Variants in C2CD3 observed in about 807,000 individuals in gnomAD.
C2CD3 encodes the protein C2 domain containing 3 centriole elongation regulator, also known as C2 domain-containing protein 3.
A neutral mutation model predicts 234.0 loss-of-function variants in C2CD3; 148 were observed. That is an observed-to-expected ratio of 0.63 (90% confidence interval 0.55 to 0.72). The LOEUF (loss-of-function observed/expected upper bound fraction) is 0.72. Ranked by LOEUF, C2CD3 falls within the 30% of genes least tolerant of loss-of-function variation. The pLI, the probability that C2CD3 is intolerant of heterozygous loss-of-function variation, is 0.00. For missense variants in C2CD3, 2,577 were observed against 2,811.5 expected (o/e 0.92, Z 1.89); for synonymous variants, 1,000 against 1,035.4 (o/e 0.97, Z 0.66).
chr11:74,169,120 A>C (rs2135579016), intron 1 of C2CD3, among the ~76,000 whole-genome samples: 1 of 152,326 alleles, frequency 6.6e-6, no homozygotes, highest in Admixed American at 6.5e-5. Context: ...AACGATTTAG[A>C]CTATATCATA....
chr11:74,056,171 A>G lies in C2CD3; in HGVS notation c.5090+1235T>C, dbSNP rs369351594. ...ACCTGTGACCAACTGCTGAGACTCA[A>G]TAAGTACACAAACACTGTGAGAAAA... On this transcript the variant is annotated intron_variant, in intron 25 of 32. Coordinates refer to ENST00000334126, the MANE Select transcript of C2CD3 (RefSeq NM_001286577.2). Among the ~76,000 whole-genome samples the G allele has an allele frequency of 6.2e-4, 94 of 152,276 alleles. 1 individual carries two copies. Among genetic ancestry groups the G allele is most frequent in the African/African-American group, 1.6e-3 (66 of 41,576 alleles).
intron 18 of C2CD3, among the ~76,000 whole-genome samples, chr11:74,093,130 C>T (rs1177903227): frequency 2.0e-5 from 3 of 151,794 alleles, no homozygotes; most frequent in Admixed American, 6.6e-5. Context: ...GTGGATGGTA[C>T]TCATCCCTAG....
intron 25 of C2CD3, 97 bp from the exon 26 acceptor site, chr11:74,054,768 T>C (rs995862626): frequency 1.3e-6 from 1 of 753,712 alleles, no homozygotes; most frequent in Non-Finnish European, 2.2e-6. Flanking sequence ...GCAAAGCACT[T>C]TCCCAACACT....
chr11:74,143,687 A>G (rs1314213174), intron 3 of C2CD3, among the ~76,000 whole-genome samples: 1 of 151,542 alleles, frequency 6.6e-6, no homozygotes, highest in East Asian at 1.9e-4. Context: ...TGCCTGGCTC[A>G]ATTTACTAAA....
intron 23 of C2CD3, 152 bp from the exon 24 acceptor site, chr11:74,074,752 AG>A: frequency 1.6e-6 from 1 of 641,872 alleles, no homozygotes; most frequent in Non-Finnish European, 2.7e-6. Context: ...TGAAGCTGGT[AG>A]AAAACATGAA....
intron 32 of C2CD3, among the ~76,000 whole-genome samples, chr11:74,019,847 T>C (rs1031381574): frequency 2.0e-5 from 3 of 152,212 alleles, no homozygotes; most frequent in Admixed American, 6.5e-5. Context: ...TTCTATCCCT[T>C]GGTTTAGACA....
intron 3 of C2CD3, among the ~76,000 whole-genome samples, chr11:74,144,499 T>C (rs900341011): frequency 1.3e-5 from 2 of 152,194 alleles, no homozygotes; most frequent in African/African-American, 4.8e-5. Context: ...ATTTGTTATA[T>C]AGGTAAACTC....
At chr11:74,159,416 C>T (rs1423198322) in intron 3 of C2CD3, among the ~76,000 whole-genome samples, 1 of 152,072 alleles carries the variant, frequency 6.6e-6, no homozygotes, top group African/African-American at 2.4e-5. Flanking sequence ...ATGTGTGTGA[C>T]TGACCCTAAG....
intron 3 of C2CD3, among the ~76,000 whole-genome samples, chr11:74,150,450 C>T (rs886227759): frequency 4.4e-5 from 6 of 136,544 alleles, no homozygotes; most frequent in African/African-American, 1.7e-4. Flanking sequence ...ATCACACCAC[C>T]GCACTCCAGC....
At chr11:74,055,453 G>C (rs1008582063) in intron 25 of C2CD3, among the ~76,000 whole-genome samples, 1 of 152,216 alleles carries the variant, frequency 6.6e-6, no homozygotes, top group Non-Finnish European at 1.5e-5. Context: ...AGGTAAGCAA[G>C]ATGGAGATCT....
intron 2 of C2CD3, among the ~76,000 whole-genome samples, chr11:74,161,940 C>A (rs1258616233): frequency 1.3e-5 from 2 of 151,440 alleles, no homozygotes; most frequent in Non-Finnish European, 2.9e-5. Context: ...CCTAGCCTCA[C>A]AAGTAGCTGA....
chr11:74,105,518 G>A (rs553718419), intron 13 of C2CD3, among the ~76,000 whole-genome samples: 10 of 152,206 alleles, frequency 6.6e-5, no homozygotes, highest in East Asian at 1.9e-4. Context: ...CAATCTGCCC[G>A]CCTTGGCTTC....
intron 17 of C2CD3, among the ~76,000 whole-genome samples, chr11:74,094,799 G>C (rs573102415): frequency 9.2e-5 from 14 of 152,288 alleles, no homozygotes; most frequent in Admixed American, 5.9e-4. Flanking sequence ...ATCTATGTGA[G>C]ATATGTATAT....
At chr11:74,059,721 G>A (rs1565240350) in intron 24 of C2CD3, among the ~76,000 whole-genome samples, 1 of 152,204 alleles carries the variant, frequency 6.6e-6, no homozygotes, top group Admixed American at 6.5e-5. Flanking sequence ...CGTGAGCAAC[G>A]CAGAAGACGG....
intron 7 of C2CD3, among the ~76,000 whole-genome samples, chr11:74,127,824 C>A (rs1396424892): frequency 6.6e-6 from 1 of 151,646 alleles, no homozygotes; most frequent in Non-Finnish European, 1.5e-5. Flanking sequence ...TCTTGATTTC[C>A]CGATAACAAA....
intron 28 of C2CD3, among the ~76,000 whole-genome samples, chr11:74,043,536 TTTAAGGAACTTCCAGA>T (rs1370478818): frequency 1.3e-5 from 2 of 152,356 alleles, no homozygotes; most frequent in East Asian, 3.9e-4. Context: ...TTACTCCATG[TTTAAGGAACTTCCAGA>T]TTATTTTCCA....
In C2CD3 at chr11:74,153,157, G is replaced by T. The variant is rs1316651477; in HGVS notation, c.483+8242C>A. On this transcript the variant is annotated intron_variant, in intron 3 of 32. Coordinates refer to ENST00000334126, the MANE Select transcript of C2CD3 (RefSeq NM_001286577.2). The stretch of plus-strand genomic sequence containing the variant: ...TGCTTGAGTCCAGAAGTTTGAAATT[G>T]CAGTGAGCTATGATCATGCCAGCCT... Among the ~76,000 whole-genome samples the T allele has an allele frequency of 5.9e-5, 9 of 152,220 alleles. No homozygotes were observed. In the East Asian group the frequency reaches 1.5e-3, roughly 26 times the overall value.
chr11:74,129,338 A>G, intron 7 of C2CD3: 1 of 168,208 alleles, frequency 5.9e-6, no homozygotes, highest in Non-Finnish European at 1.2e-5. Context: ...TGCCGGGCAG[A>G]GGTCTCCTCA....
At chr11:74,051,803 G>T (rs1237105534) in intron 26 of C2CD3, among the ~76,000 whole-genome samples, 1 of 152,130 alleles carries the variant, frequency 6.6e-6, no homozygotes, top group Non-Finnish European at 1.5e-5. Context: ...TAAGCTCTGT[G>T]AGGACAGGGA....
Sources: gnomAD v4.1 joint callset for allele counts (sites outside exome capture counted in the v4.1 genomes callset) on GRCh38, gnomAD v4.1.1 for gene constraint, MANE v1.5 for transcripts, NCBI Gene and HGNC (gene_info 2026-07-23, HGNC 2026-07-21) for gene names.